Variants in VCP observed in about 807,000 individuals in gnomAD.
VCP encodes valosin containing protein.
Under a neutral mutation model 85.7 loss-of-function variants are expected in VCP, and 6 were observed. That is an observed-to-expected ratio of 0.07 (90% CI 0.04 to 0.14). VCP has a LOEUF of 0.14. Ranked by LOEUF, VCP falls within the 10% of genes least tolerant of loss-of-function variation. The pLI is 1.00. For synonymous variants in VCP, 384 were observed against 367.1 expected (o/e 1.05, Z -0.53); for missense variants, 353 against 1,043.4 (o/e 0.34, Z 9.12).
At chr9:35,061,950 G>A (rs2131032350) in intron 9 of VCP, 53 bp downstream of exon 9, 2 of 1,613,734 alleles carry the variant, frequency 1.2e-6, no homozygotes, top group Non-Finnish European at 1.7e-6. Flanking sequence ...TTAGATGAAG[G>A]AGAGAAGTAG....
At chr9:35,068,412 C>T (rs199514126) in intron 1 of VCP, 50 bp from the exon 2 acceptor site, 21 of 1,494,872 alleles carry the variant, frequency 1.4e-5, no homozygotes, top group Middle Eastern at 1.7e-4. Flanking sequence ...AAGCGCCTCG[C>T]CAGTCTCTAA....
At chr9:35,064,817 T>C (rs888786607) in intron 5 of VCP, among the ~76,000 whole-genome samples, 17 of 152,232 alleles carry the variant, frequency 1.1e-4, no homozygotes, top group African/African-American at 4.1e-4. Flanking sequence ...CAGAAATGAA[T>C]AGCTGGCAGG....
rs1828875006 is a variant in VCP at position 35,068,379 on chromosome 9, G to A, written c.18-17C>T. ...CCTTTTGAACTAGAAGGAGGAAATG[G>A]AGTCAGTAGATACTCCTGCCCCAAG... On this transcript the variant is annotated splice_polypyrimidine_tract_variant and intron_variant, in intron 1 of 16. Transcript: ENST00000358901. The A allele has an allele frequency of 6.2e-7, 1 of 1,608,252 alleles. No individual in the cohort carries two copies. Among genetic ancestry groups the A allele is most frequent in the South Asian group, 1.1e-5 (1 of 90,964 alleles).
At position 35,067,883 on chromosome 9, in the gene VCP, A is replaced by C. The variant is rs759987483; in HGVS notation, c.302+8T>G. On this transcript the variant is annotated splice_region_variant and intron_variant, in intron 3 of 16. Coordinates refer to ENST00000358901, the MANE Select transcript of VCP (RefSeq NM_007126.5). Reference sequence around the variant, plus strand: ...CCATCCCTGTGAAGCCAAAAACCCCACACACACCTGATGACATCCCCTAGG... The same window carrying C: ...CCATCCCTGTGAAGCCAAAAACCCCCCACACACCTGATGACATCCCCTAGG... 5 of 1,614,172 alleles carry C rather than the reference A, an allele frequency of 3.1e-6. No homozygotes were observed. The highest frequency in any genetic ancestry group is 2.5e-6 in the Non-Finnish European group (3 of 1,180,028).
intron 1 of VCP, among the ~76,000 whole-genome samples, chr9:35,071,295 T>G (rs947362062): frequency 4.2e-4 from 4 of 9,504 alleles, no homozygotes; most frequent in South Asian, 2.6e-3. Flanking sequence ...CTGGCTGTGT[T>G]TTTTTTTTTT....
intron 13 of VCP, chr9:35,060,030 G>A: frequency 1.5e-6 from 1 of 665,412 alleles, no homozygotes; most frequent in Non-Finnish European, 2.5e-6. Context: ...TACTCAGGAG[G>A]CTGAAGTAGG....
rs747332989 is a variant in VCP at position 35,061,975 on chromosome 9, CG to C, written c.1081+27del. 3 of 1,614,080 alleles carry C rather than the reference CG, an allele frequency of 1.9e-6. No homozygotes were observed. In the South Asian group the frequency reaches 3.3e-5, roughly 18 times the overall value. The stretch of plus-strand genomic sequence containing the variant: ...GAGAGAAGTAGGACCTAAGCAAGGA[CG>C]GGGTCAAAAGTATCTGGAGTCCTTA... On this transcript the variant is annotated intron_variant, in intron 9 of 16. Transcript: ENST00000358901.
rs1455226244 is a variant in VCP at position 35,072,560 on chromosome 9, A to G, written c.-207T>C. On this transcript the variant is annotated 5_prime_UTR_variant, in exon 1 of 17. Transcript: ENST00000358901. The stretch of plus-strand genomic sequence containing the variant: ...GCTGGCTCCTGATCCGCGAGGTGGC[A>G]GTGGCAGTGGCAGCGGCAGCGGCAG... 7 of 545,046 alleles carry G rather than the reference A, an allele frequency of 1.3e-5. No individual in the cohort carries two copies. In the Admixed American group the frequency reaches 1.3e-4, roughly 10 times the overall value. The allele number at this position is 545,046 out of a possible 1,614,324, so 33.8% of individuals were successfully genotyped here.
Position 35,056,752 on chromosome 9 carries a change from G to A in VCP, c.*365C>T, listed in dbSNP as rs1828615090. On this transcript the variant is annotated 3_prime_UTR_variant, in exon 17 of 17. Transcript: ENST00000358901. ...TTGGATAGGGGGAAGGGAGGGCTCG[G>A]GCAGCATTGAGTCAAGTGCAGATGC... is the stretch of plus-strand genomic sequence containing the variant. 3.1e-6 allele frequency: 1 copy of A among 325,586 alleles called. No homozygotes were observed. The highest frequency in any genetic ancestry group is 2.8e-5 in the South Asian group (1 of 36,084). The allele number at this position is 325,586 out of a possible 1,614,324, so 20.2% of individuals were successfully genotyped here.
Position 35,064,262 on chromosome 9 carries a change from T to C in VCP, c.600A>G (p.Glu200=). The part of the protein sequence containing the change: ...KREDEEESLN[E]VGYDDIGGCR... The stretch of plus-strand genomic sequence containing the variant: ...AGCCACCAATGTCATCATACCCTAC[T>C]TCATTCAAGGACTCTTCCTCATCCT... Residue 200 remains glutamate, a synonymous_variant, in exon 6 of 17, where the codon GAA becomes GAG. Coordinates refer to ENST00000358901, the MANE Select transcript of VCP (RefSeq NM_007126.5). The C allele has an allele frequency of 6.2e-7, 1 of 1,614,156 alleles. No individual in the cohort carries two copies. Among genetic ancestry groups the C allele is most frequent in the South Asian group, 1.1e-5 (1 of 91,084 alleles).
At chr9:35,063,917 G>A (rs1407138298) in intron 6 of VCP, among the ~76,000 whole-genome samples, 1 of 152,198 alleles carries the variant, frequency 6.6e-6, no homozygotes, top group African/African-American at 2.4e-5. Context: ...ATATATATAT[G>A]TGTGTGTGTT....
At position 35,065,101 on chromosome 9, in the gene VCP, C is replaced by T. The variant is rs1828801138; in HGVS notation, c.576+150G>A. Reference sequence around the variant, plus strand: ...CAGGCTGGTCTTGAACACCTGACCTCAAGTGATCTGCCCATCTCAGTCTCC... The same window carrying T: ...CAGGCTGGTCTTGAACACCTGACCTTAAGTGATCTGCCCATCTCAGTCTCC... On this transcript the variant is annotated intron_variant, in intron 5 of 16. Transcript: ENST00000358901. 1.2e-5 allele frequency: 14 copies of T among 1,185,516 alleles called. 1 individual carries two copies. In the South Asian group the frequency reaches 1.8e-4, roughly 15 times the overall value. 73.4% of individuals were successfully genotyped at this position (1,185,516 alleles called of 1,614,324 possible).
intron 1 of VCP, 147 bp downstream of exon 1, chr9:35,072,190 G>A (rs1380055937): frequency 1.3e-5 from 18 of 1,426,752 alleles, no homozygotes; most frequent in Non-Finnish European, 1.6e-5. Flanking sequence ...CGGGTCCACG[G>A]CCCCTCACTC....
intron 1 of VCP, among the ~76,000 whole-genome samples, chr9:35,071,286 T>G: frequency 7.2e-6 from 1 of 138,356 alleles, no homozygotes. Flanking sequence ...TTCCTTGGGC[T>G]GGCTGTGTTT....
At chr9:35,072,167 C>T (rs930720425) in intron 1 of VCP, 170 bp downstream of exon 1, 32 of 1,410,588 alleles carry the variant, frequency 2.3e-5, no homozygotes, top group Non-Finnish European at 2.9e-5. Context: ...CAGCTGGCCC[C>T]AGCCGGGCCT....
At position 35,061,709 on chromosome 9, in the gene VCP, CAT is replaced by C. The variant is rs1491130061; in HGVS notation, c.1082-22_1082-21del. On this transcript the variant is annotated intron_variant, in intron 9 of 16. Coordinates refer to ENST00000358901, the MANE Select transcript of VCP (RefSeq NM_007126.5). ...AGCGACCTGTGGGACAGTACACAAA[CAT>C]AAACAGGGCTCATCTCTAGTCCAGA... 27 of 1,599,396 alleles carry C rather than the reference CAT, an allele frequency of 1.7e-5. No homozygotes were observed. In the East Asian group the frequency reaches 4.7e-4, roughly 28 times the overall value.
intron 3 of VCP, among the ~76,000 whole-genome samples, chr9:35,067,373 A>T (rs992165406): frequency 6.6e-6 from 1 of 152,148 alleles, no homozygotes; most frequent in African/African-American, 2.4e-5. Flanking sequence ...ATTATGCAAG[A>T]ACAAGCAAAA....
chr9:35,069,164 AAC>A (rs1665109866), intron 1 of VCP, among the ~76,000 whole-genome samples: 1 of 152,204 alleles, frequency 6.6e-6, no homozygotes, highest in African/African-American at 2.4e-5. Flanking sequence ...AAAAAACACT[AAC>A]AGACATCAAA....
At chr9:35,072,255 G>T (rs1195841959) in intron 1 of VCP, 82 bp downstream of exon 1, 2 of 1,475,014 alleles carry the variant, frequency 1.4e-6, no homozygotes, top group African/African-American at 1.5e-5. Context: ...ACGCGCCCAC[G>T]GCCAGGCCCC....
Sources: allele counts gnomAD v4.1 joint callset (sites outside exome capture counted in the v4.1 genomes callset), GRCh38; gene constraint gnomAD v4.1.1; transcripts MANE v1.5; gene names NCBI Gene and HGNC (gene_info 2026-07-23, HGNC 2026-07-21).